ARB2A: variants seen among roughly 807,000 people sequenced by gnomAD.
ARB2A encodes the protein cotranscriptional regulator ARB2A.
the ARB2A span, among the ~76,000 whole-genome samples, chr5:94,005,344 C>T: frequency 6.6e-6 from 1 of 152,102 alleles, no homozygotes; most frequent in Non-Finnish European, 1.5e-5. Flanking sequence ...GCTGGGACTA[C>T]AGGCACCTGC....
At chr5:93,897,693 A>C in the ARB2A span, among the ~76,000 whole-genome samples, 107 of 152,048 alleles carry the variant, frequency 7.0e-4, no homozygotes, top group African/African-American at 2.4e-3. Context: ...TTCTGTAGAG[A>C]TCCTTTATTG....
At chr5:93,729,431 T>C in the ARB2A span, among the ~76,000 whole-genome samples, 1 of 152,124 alleles carries the variant, frequency 6.6e-6, no homozygotes, top group Admixed American at 6.6e-5. Flanking sequence ...AATATGAAGA[T>C]GCAGAGCCTG....
the ARB2A span, among the ~76,000 whole-genome samples, chr5:93,665,280 G>T: frequency 6.6e-6 from 1 of 152,194 alleles, no homozygotes; most frequent in Non-Finnish European, 1.5e-5. Flanking sequence ...ATGAGTCTGT[G>T]TTAAATGATT....
At chr5:94,048,593 G>C in the ARB2A span, among the ~76,000 whole-genome samples, 1 of 152,138 alleles carries the variant, frequency 6.6e-6, no homozygotes. Flanking sequence ...ATGTTCTCAT[G>C]AAGTCCAATC....
the ARB2A span, among the ~76,000 whole-genome samples, chr5:93,681,198 T>C: frequency 6.6e-6 from 1 of 152,176 alleles, no homozygotes; most frequent in Admixed American, 6.5e-5. Context: ...CCCAGTTGTA[T>C]AGTTTGGGAA....
the ARB2A span, among the ~76,000 whole-genome samples, chr5:94,029,913 C>A: frequency 6.6e-6 from 1 of 152,186 alleles, no homozygotes; most frequent in Admixed American, 6.6e-5. Flanking sequence ...GTTTAATTGA[C>A]TCACAGTTCC....
the ARB2A span, among the ~76,000 whole-genome samples, chr5:93,802,798 C>G: frequency 1.3e-5 from 2 of 152,002 alleles, no homozygotes; most frequent in Non-Finnish European, 2.9e-5. Context: ...GAAGCTGAAA[C>G]TTCAACTATT....
At chr5:93,658,158 C>T in the ARB2A span, among the ~76,000 whole-genome samples, 1 of 152,076 alleles carries the variant, frequency 6.6e-6, no homozygotes, top group Non-Finnish European at 1.5e-5. Context: ...TGAGTCAAAA[C>T]ACAAGACATG....
the ARB2A span, among the ~76,000 whole-genome samples, chr5:93,680,521 GA>G: frequency 6.6e-6 from 1 of 151,936 alleles, no homozygotes; most frequent in African/African-American, 2.4e-5. Context: ...ATAATTCTTG[GA>G]ATTCATTTAT....
the ARB2A span, among the ~76,000 whole-genome samples, chr5:94,039,850 A>C: frequency 5.3e-5 from 8 of 152,098 alleles, no homozygotes; most frequent in East Asian, 1.4e-3. Flanking sequence ...AACCCTGAAG[A>C]GATGATACTG....
At chr5:94,048,289 G>A in the ARB2A span, among the ~76,000 whole-genome samples, 7 of 152,004 alleles carry the variant, frequency 4.6e-5, no homozygotes, top group South Asian at 2.1e-4. Flanking sequence ...TCCTGACCTC[G>A]TGATCCACCC....
At chr5:93,839,975 A>G in the ARB2A span, among the ~76,000 whole-genome samples, 1 of 151,990 alleles carries the variant, frequency 6.6e-6, no homozygotes, top group Non-Finnish European at 1.5e-5. Flanking sequence ...CCAATTCTAC[A>G]ATTCATTGAT....
At chr5:93,974,046 T>C in the ARB2A span, among the ~76,000 whole-genome samples, 2 of 152,016 alleles carry the variant, frequency 1.3e-5, no homozygotes, top group African/African-American at 4.8e-5. Context: ...ACCTCAAATA[T>C]CAATATTAAC....
the ARB2A span, chr5:93,866,017 G>C: frequency 1.0e-6 from 1 of 984,862 alleles, no homozygotes; most frequent in African/African-American, 1.7e-5. Context: ...GTATAATTAA[G>C]AGAAAAAACG....
At chr5:93,937,950 A>G in the ARB2A span, among the ~76,000 whole-genome samples, 4 of 152,322 alleles carry the variant, frequency 2.6e-5, no homozygotes, top group Middle Eastern at 6.8e-3. Context: ...TCATTTAAAA[A>G]AATTTTTTTT....
chr5:93,779,239 T>A, the ARB2A span, among the ~76,000 whole-genome samples: 177 of 152,198 alleles, frequency 1.2e-3, no homozygotes, highest in African/African-American at 4.0e-3. Context: ...TGAAATAAAA[T>A]AAACATATGC....
chr5:93,777,314 T>TA, the ARB2A span, among the ~76,000 whole-genome samples: 50 of 150,892 alleles, frequency 3.3e-4, no homozygotes, highest in African/African-American at 9.0e-4. Context: ...ATAATAATAA[T>TA]AAAAAAAAAT....
At chr5:94,017,442 G>C in the ARB2A span, among the ~76,000 whole-genome samples, 2 of 152,134 alleles carry the variant, frequency 1.3e-5, no homozygotes, top group African/African-American at 4.8e-5. Flanking sequence ...TAAAAGTTTG[G>C]ATAAGAATTA....
the ARB2A span, among the ~76,000 whole-genome samples, chr5:93,655,082 C>T: frequency 3.9e-5 from 6 of 152,102 alleles, no homozygotes; most frequent in African/African-American, 7.2e-5. Context: ...TGTTTCTTCA[C>T]GTATAAAATT....
Sources: gnomAD v4.1 joint callset for allele counts (sites outside exome capture counted in the v4.1 genomes callset) on GRCh38, gnomAD v4.1.1 for gene constraint, MANE v1.5 for transcripts, NCBI Gene and HGNC (gene_info 2026-07-23, HGNC 2026-07-21) for gene names.